The following DDX10 variants were observed in gnomAD, a reference collection of about 807,000 sequenced individuals.
DDX10 encodes the protein probable ATP-dependent RNA helicase DDX10.
A neutral mutation model predicts 104.3 loss-of-function variants in DDX10; 74 were observed. That is an observed-to-expected ratio of 0.71 (90% CI 0.59 to 0.86). DDX10 has a LOEUF of 0.86. Among genes scored for constraint, DDX10 ranks in the 40% least tolerant of loss-of-function variants. DDX10 has a pLI of 0.00. For missense variants in DDX10, 952 were observed against 1,040.0 expected (o/e 0.92, Z 1.16); for synonymous variants, 351 against 353.4 (o/e 0.99, Z 0.08).
At chr11:108,872,656 A>G (rs1412607155) in intron 16 of DDX10, among the ~76,000 whole-genome samples, 3 of 152,178 alleles carry the variant, frequency 2.0e-5, no homozygotes, top group African/African-American at 4.8e-5. Context: ...TGGCACTAGT[A>G]TCATTTGTTT....
At chr11:108,736,872 C>G (rs936881206) in intron 13 of DDX10, among the ~76,000 whole-genome samples, 1 of 152,164 alleles carries the variant, frequency 6.6e-6, no homozygotes, top group Non-Finnish European at 1.5e-5. Flanking sequence ...CAGACTAAGA[C>G]AAGTTCTCTA....
rs1164612248 is a variant in DDX10, at chr11:108,723,121, A to G, written c.1624A>G (p.Asn542Asp). The part of the protein sequence containing the change: ...VIEPRAPSLT[N>D]DEVEEFRAYF... ...TGAGCCAAGGGCTCCCTCCCTCACCAATGACGAAGTGGAAGAATTTAGAGC... is the reference window on the plus strand; with the variant it reads ...TGAGCCAAGGGCTCCCTCCCTCACCGATGACGAAGTGGAAGAATTTAGAGC... The change falls in exon 13 of 18, where the codon AAT becomes GAT. Residue 542 changes from asparagine (N) to aspartate (D), a missense_variant. This residue lies in a region of DDX10 where 533 missense variants were observed against 534.1 expected (regional missense o/e 1.00). Coordinates refer to ENST00000322536, the MANE Select transcript of DDX10 (RefSeq NM_004398.4). 2.5e-6 allele frequency: 4 copies of G among 1,613,882 alleles called. No homozygotes were observed. The highest frequency in any genetic ancestry group is 1.7e-6 in the Non-Finnish European group (2 of 1,179,872).
At chr11:108,857,569 A>G (rs1446837631) in intron 16 of DDX10, among the ~76,000 whole-genome samples, 4 of 152,180 alleles carry the variant, frequency 2.6e-5, no homozygotes. Flanking sequence ...CTCTCATCAC[A>G]GTGCTTTGTT....
intron 13 of DDX10, among the ~76,000 whole-genome samples, chr11:108,828,815 G>A (rs1862431979): frequency 1.3e-5 from 2 of 152,138 alleles, no homozygotes; most frequent in Admixed American, 1.3e-4. Context: ...GTAGAGACGA[G>A]GTTTCACCTT....
At chr11:108,728,504 CTTTTTTTTTTTT>C (rs71050884) in intron 13 of DDX10, among the ~76,000 whole-genome samples, 14 of 121,822 alleles carry the variant, frequency 1.1e-4, no homozygotes, top group Admixed American at 8.8e-4. Flanking sequence ...CACATTTGTT[CTTTTTTTTTTTT>C]TTTTTTTTTT....
chr11:108,862,207 A>G (rs1862950762), intron 16 of DDX10, among the ~76,000 whole-genome samples: 2 of 152,084 alleles, frequency 1.3e-5, no homozygotes. Flanking sequence ...TATTTTTGAT[A>G]GAAACAGGAT....
At chr11:108,717,250 A>G (rs1202690425) in intron 11 of DDX10, among the ~76,000 whole-genome samples, 3 of 152,208 alleles carry the variant, frequency 2.0e-5, no homozygotes, top group Non-Finnish European at 2.9e-5. Context: ...AAAACATTCA[A>G]TAGTTAGGGT....
At chr11:108,887,657 A>G (rs149523198) in intron 16 of DDX10, among the ~76,000 whole-genome samples, 2 of 151,864 alleles carry the variant, frequency 1.3e-5, no homozygotes, top group East Asian at 1.9e-4. Context: ...GCTCATTCCT[A>G]TAATTCCAGC....
intron 13 of DDX10, among the ~76,000 whole-genome samples, chr11:108,772,603 C>T (rs190788272): frequency 2.6e-5 from 4 of 152,186 alleles, no homozygotes; most frequent in Admixed American, 6.5e-5. Flanking sequence ...AAATAAATGC[C>T]GTCGAAAGGC....
At chr11:108,814,563 G>A (rs1346364006) in intron 13 of DDX10, among the ~76,000 whole-genome samples, 1 of 152,080 alleles carries the variant, frequency 6.6e-6, no homozygotes, top group African/African-American at 2.4e-5. Context: ...CAATAAAAAT[G>A]TAAAATGCTT....
At chr11:108,687,430 C>T (rs897670070) in intron 6 of DDX10, among the ~76,000 whole-genome samples, 1 of 152,170 alleles carries the variant, frequency 6.6e-6, no homozygotes, top group Non-Finnish European at 1.5e-5. Flanking sequence ...CTGCTTCAGC[C>T]TCCCAGGTAG....
intron 13 of DDX10, among the ~76,000 whole-genome samples, chr11:108,813,612 C>T (rs1862216739): frequency 6.6e-6 from 1 of 151,954 alleles, no homozygotes; most frequent in African/African-American, 2.4e-5. Flanking sequence ...TTTATGGGTT[C>T]TAAATTTCAT....
Position 108,906,732 on chromosome 11 carries a change from G to C in DDX10, c.2305-11141G>C, listed in dbSNP as rs191981407. ...GACAAGAAATAAAGATGATCAATAA[G>C]ATGCACCATTATTTAATAGGGCGTT... On this transcript the variant is annotated intron_variant, in intron 16 of 17. Transcript: ENST00000322536. Among the ~76,000 whole-genome samples, 9 of 152,260 alleles carry C rather than the reference G, an allele frequency of 5.9e-5. No homozygotes were observed. The East Asian group carries it at 1.2e-3, about 20-fold the overall frequency.
intron 16 of DDX10, among the ~76,000 whole-genome samples, chr11:108,894,066 G>A (rs1014528274): frequency 6.6e-6 from 1 of 152,024 alleles, no homozygotes; most frequent in African/African-American, 2.4e-5. Flanking sequence ...TTCAGCACTT[G>A]AAGGTTTTCA....
intron 13 of DDX10, among the ~76,000 whole-genome samples, chr11:108,750,967 A>G (rs1268238200): frequency 2.7e-5 from 2 of 73,910 alleles, no homozygotes; most frequent in Admixed American, 2.2e-4. Flanking sequence ...TTTTTTTTAG[A>G]GATGGGCTTT....
chr11:108,706,058 A>T (rs566929436), intron 9 of DDX10, among the ~76,000 whole-genome samples: 1 of 151,884 alleles, frequency 6.6e-6, no homozygotes. Context: ...TGCAACCTCC[A>T]TCTCCTGGGT....
chr11:108,772,336 C>T (rs2094364325), intron 13 of DDX10, among the ~76,000 whole-genome samples: 1 of 152,048 alleles, frequency 6.6e-6, no homozygotes. Flanking sequence ...AGGCTCTAAA[C>T]CTAATGACAA....
At chr11:108,716,252 C>G (rs1209307028) in intron 11 of DDX10, among the ~76,000 whole-genome samples, 1 of 152,060 alleles carries the variant, frequency 6.6e-6, no homozygotes, top group Non-Finnish European at 1.5e-5. Flanking sequence ...TGCGCCACTA[C>G]CACACCTGGC....
chr11:108,744,688 G>A (rs557193537), intron 13 of DDX10, among the ~76,000 whole-genome samples: 11 of 152,252 alleles, frequency 7.2e-5, no homozygotes, highest in African/African-American at 2.4e-4. Context: ...AGACTTGTCA[G>A]CCTTCAATAA....
Sources: allele counts gnomAD v4.1 joint callset (sites outside exome capture counted in the v4.1 genomes callset), GRCh38; gene constraint gnomAD v4.1.1; regional missense constraint gnomAD v4.1.1; transcripts MANE v1.5; gene names NCBI Gene and HGNC (gene_info 2026-07-23, HGNC 2026-07-21).